The following WIPF3 variants were observed in gnomAD, a reference collection of about 807,000 sequenced individuals.
WIPF3 encodes the protein WAS/WASL-interacting protein family member 3.
Under a neutral mutation model 38.9 loss-of-function variants are expected in WIPF3, and 33 were observed. The ratio of observed to expected loss-of-function variants is 0.85; its 90% CI spans 0.64 to 1.14. WIPF3 has a LOEUF of 1.14. WIPF3 is among the 50% of genes most tolerant of loss of function. The pLI, the probability that WIPF3 is intolerant of heterozygous loss-of-function variation, is 0.00. For missense variants in WIPF3, 711 were observed against 652.5 expected (o/e 1.09, Z -0.98); for synonymous variants, 324 against 269.3 (o/e 1.20, Z -1.99).
chr7:29,880,228 A>G (rs1003451384), intron 4 of WIPF3, among the ~76,000 whole-genome samples: 1 of 152,212 alleles, frequency 6.6e-6, no homozygotes, highest in African/African-American at 2.4e-5. Context: ...ATACAGGAGG[A>G]AATACAAAGG....
chr7:29,853,608 C>G (rs1785140908), intron 2 of WIPF3, among the ~76,000 whole-genome samples: 1 of 152,224 alleles, frequency 6.6e-6, no homozygotes, highest in Admixed American at 6.5e-5. Flanking sequence ...TGGTGTGGCC[C>G]CTTCTTTTAG....
At chr7:29,895,640 G>A (rs1356209241) in intron 7 of WIPF3, among the ~76,000 whole-genome samples, 2 of 152,222 alleles carry the variant, frequency 1.3e-5, no homozygotes, top group Non-Finnish European at 2.9e-5. Flanking sequence ...GAAGCATAAT[G>A]CCAGCATTTG....
intron 2 of WIPF3, among the ~76,000 whole-genome samples, chr7:29,870,928 G>A (rs1785484082): frequency 2.0e-5 from 3 of 147,766 alleles, no homozygotes; most frequent in Non-Finnish European, 4.4e-5. Flanking sequence ...CTGCACTCCA[G>A]CCTGGGCAAC....
Position 29,884,264 on chromosome 7 carries a change from T to TTGGCCCC in WIPF3, c.770_771insTGGCCCC (p.Pro258GlyfsTer62). The TTGGCCCC allele has an allele frequency of 7.6e-7, 1 of 1,315,280 alleles. No individual in the cohort carries two copies. Among genetic ancestry groups the TTGGCCCC allele is most frequent in the Non-Finnish European group, 1.0e-6 (1 of 992,704 alleles). 81.5% of individuals were successfully genotyped at this position (1,315,280 alleles called of 1,614,324 possible). A position where few individuals can be genotyped will look rare whatever the true frequency, so the allele number is the denominator to read the frequency against. Reference sequence around the variant, plus strand: ...AAGCCTCAGCTGGCTCCCTTGCACCTCCCGCCCATCCCGCCCCCGCTCCCT... The same window carrying TTGGCCCC: ...AAGCCTCAGCTGGCTCCCTTGCACCTTGGCCCCCCCGCCCATCCCGCCCCCGCTCCCT... On this transcript the variant is annotated frameshift_variant, in exon 5 of 9. Coordinates refer to ENST00000242140, the MANE Select transcript of WIPF3 (RefSeq NM_001080529.3). LOFTEE classifies it high-confidence loss of function.
intron 8 of WIPF3, among the ~76,000 whole-genome samples, chr7:29,909,464 A>G (rs1786462939): frequency 6.6e-6 from 1 of 152,262 alleles, no homozygotes; most frequent in African/African-American, 2.4e-5. Flanking sequence ...GAAAGTGGAT[A>G]CATTACTACT....
chr7:29,846,468 A>G (rs1785002692), intron 2 of WIPF3, among the ~76,000 whole-genome samples: 1 of 152,264 alleles, frequency 6.6e-6, no homozygotes, highest in South Asian at 2.1e-4. Flanking sequence ...TGGGAGGCCC[A>G]GGCAGGTGGA....
Position 29,849,165 on chromosome 7 carries a change from C to T in WIPF3, c.90+14351C>T, listed in dbSNP as rs1356677855. On this transcript the variant is annotated intron_variant, in intron 2 of 8. Coordinates refer to ENST00000242140, the MANE Select transcript of WIPF3 (RefSeq NM_001080529.3). ...TGGCTCCTGTTTTTCTAGGGATTAACGTTAAGGTTTTATTGTGTTGTTTTG... is the reference window on the plus strand; with the variant it reads ...TGGCTCCTGTTTTTCTAGGGATTAATGTTAAGGTTTTATTGTGTTGTTTTG... 3.3e-5 allele frequency among the ~76,000 whole-genome samples: 5 copies of T among 152,138 alleles called. No individual in the cohort carries two copies. In the East Asian group the frequency reaches 7.7e-4, roughly 24 times the overall value.
intron 2 of WIPF3, among the ~76,000 whole-genome samples, chr7:29,836,694 A>G (rs1472593224): frequency 6.6e-6 from 1 of 152,252 alleles, no homozygotes; most frequent in East Asian, 1.9e-4. Context: ...GGTGGTAATT[A>G]AAACTTACAT....
chr7:29,890,321 CA>C (rs2128077643), intron 7 of WIPF3, among the ~76,000 whole-genome samples: 1 of 147,760 alleles, frequency 6.8e-6, no homozygotes, highest in African/African-American at 2.5e-5. Flanking sequence ...CACTTCACTC[CA>C]GCATTGATGA....
intron 4 of WIPF3, among the ~76,000 whole-genome samples, chr7:29,883,195 G>A (rs2128075358): frequency 6.6e-6 from 1 of 152,320 alleles, no homozygotes; most frequent in African/African-American, 2.4e-5. Flanking sequence ...GGATGAGAAA[G>A]CCAAAACCCT....
At chr7:29,894,432 A>C (rs1786089775) in intron 7 of WIPF3, among the ~76,000 whole-genome samples, 1 of 152,216 alleles carries the variant, frequency 6.6e-6, no homozygotes, top group Non-Finnish European at 1.5e-5. Flanking sequence ...TTTCAAAATT[A>C]AGATACTGTT....
intron 2 of WIPF3, among the ~76,000 whole-genome samples, chr7:29,849,676 A>G (rs958179042): frequency 6.6e-6 from 1 of 152,184 alleles, no homozygotes; most frequent in Non-Finnish European, 1.5e-5. Context: ...GGTCATGGAG[A>G]TAGCATACAA....
chr7:29,852,203 G>A (rs1785110886), intron 2 of WIPF3, among the ~76,000 whole-genome samples: 2 of 152,134 alleles, frequency 1.3e-5, no homozygotes, highest in South Asian at 2.1e-4. Context: ...GACAGGTCTC[G>A]CTTTGTTGCC....
intron 1 of WIPF3, among the ~76,000 whole-genome samples, chr7:29,827,033 T>C (rs1187189325): frequency 6.6e-6 from 1 of 152,126 alleles, no homozygotes; most frequent in East Asian, 1.9e-4. Flanking sequence ...AGGGCTAATA[T>C]ATGAAACACT....
chr7:29,829,885 T>C (rs990673397), intron 1 of WIPF3, among the ~76,000 whole-genome samples: 7 of 152,272 alleles, frequency 4.6e-5, no homozygotes, highest in Middle Eastern at 3.4e-3. Context: ...AGTTCATGAA[T>C]TGGGAGAAAG....
intron 1 of WIPF3, among the ~76,000 whole-genome samples, chr7:29,817,224 G>T (rs1218962487): frequency 6.6e-6 from 1 of 152,118 alleles, no homozygotes; most frequent in Non-Finnish European, 1.5e-5. Flanking sequence ...ACACCTTATA[G>T]AGAAGATAAA....
rs553117021 is a variant in WIPF3, at chr7:29,810,273, A to T, written c.-58+3595A>T. Among the ~76,000 whole-genome samples, 38 of 152,296 alleles carry T rather than the reference A, an allele frequency of 2.5e-4. 1 individual carries two copies. In the South Asian group the frequency reaches 5.4e-3, roughly 22 times the overall value. On this transcript the variant is annotated intron_variant, in intron 1 of 8. Coordinates refer to ENST00000242140, the MANE Select transcript of WIPF3 (RefSeq NM_001080529.3). ...ATGTTGCACCCTGCTGTGGTCTTTT[A>T]TCAACCCACTCATAACCCCAAGGTG...
intron 2 of WIPF3, among the ~76,000 whole-genome samples, chr7:29,870,564 G>C (rs1438566384): frequency 6.6e-6 from 1 of 152,136 alleles, no homozygotes; most frequent in Non-Finnish European, 1.5e-5. Flanking sequence ...TAGTAACCAA[G>C]TTATGAAAGT....
intron 7 of WIPF3, among the ~76,000 whole-genome samples, chr7:29,894,767 A>ACG (rs1282566000): frequency 7.1e-6 from 1 of 140,032 alleles, no homozygotes; most frequent in East Asian, 2.2e-4. Flanking sequence ...TCTTTCTGAC[A>ACG]CACACACACA....
Sources: gnomAD v4.1 joint callset for allele counts (sites outside exome capture counted in the v4.1 genomes callset) on GRCh38, gnomAD v4.1.1 for gene constraint, MANE v1.5 for transcripts, NCBI Gene and HGNC (gene_info 2026-07-23, HGNC 2026-07-21) for gene names.